The following ZNF85 variants were observed in gnomAD, a reference collection of about 807,000 sequenced individuals.
ZNF85 encodes zinc finger protein 85, also known as zinc finger protein 85 (HPF4, HTF1).
ZNF85 carries 50 observed loss-of-function variants against 53.9 expected under a neutral mutation model. The ratio of observed to expected loss-of-function variants is 0.93; its 90% confidence interval spans 0.74 to 1.17. The LOEUF is 1.17. ZNF85 is among the 50% of genes most tolerant of loss of function. The probability of loss-of-function intolerance (pLI) is 0.00; values close to 1 mark genes in which losing one functional copy is unlikely to be tolerated. For synonymous variants in ZNF85, 225 were observed against 226.1 expected (o/e 1.00, Z 0.04); for missense variants, 747 against 688.5 (o/e 1.08, Z -0.95).
At chr19:20,944,236 T>C (rs1156824095) in intron 3 of ZNF85, 1 of 151,390 alleles carries the variant, frequency 6.6e-6, no homozygotes, top group African/African-American at 2.4e-5. Context: ...GCCTTTCTTT[T>C]TTATTTTGTA....
At chr19:20,925,721 G>T (rs531270574) in intron 1 of ZNF85, among the ~76,000 whole-genome samples, 1 of 152,102 alleles carries the variant, frequency 6.6e-6, no homozygotes, top group Non-Finnish European at 1.5e-5. Context: ...GAGCAGGAGC[G>T]GGTGGGAGAA....
Position 20,949,078 on chromosome 19 carries a change from C to T in ZNF85, c.564C>T (p.Cys188=), listed in dbSNP as rs1422670841. The T allele has an allele frequency of 6.2e-7, 1 of 1,613,620 alleles. No homozygotes were observed. Among genetic ancestry groups the T allele is most frequent in the African/African-American group, 1.3e-5 (1 of 74,908 alleles). ...KCGKSFGMIS[C]LTEHSRIHTR... is the part of the protein sequence containing the mutation. ...GCAAATCATTTGGCATGATTTCATG[C>T]CTAACTGAACATAGCAGAATTCATA... Residue 188 remains cysteine (C), a synonymous_variant, in exon 4 of 4, where the codon TGC becomes TGT. Coordinates refer to ENST00000328178, the MANE Select transcript of ZNF85 (RefSeq NM_003429.5).
chr19:20,950,566 A>AAG lies in ZNF85; in HGVS notation c.*264_*265insAG. ...GTGGCAAAACTTAATTTATGCTCAC[A>AAG]CCTTACTGCACAGAAAAGAATTTTT... On this transcript the variant is annotated 3_prime_UTR_variant, in exon 4 of 4. Transcript: ENST00000328178. 3.1e-6 allele frequency: 1 copy of AAG among 318,658 alleles called. No homozygotes were observed. Among genetic ancestry groups the AAG allele is most frequent in the Non-Finnish European group, 5.7e-6 (1 of 176,554 alleles). The allele number at this position is 318,658 out of a possible 1,614,324, so 19.7% of individuals were successfully genotyped here. A position where few individuals can be genotyped will look rare whatever the true frequency, so the allele number is the denominator to read the frequency against.
At chr19:20,946,542 T>A (rs1887502714) in intron 3 of ZNF85, among the ~76,000 whole-genome samples, 1 of 151,624 alleles carries the variant, frequency 6.6e-6, no homozygotes, top group South Asian at 2.1e-4. Flanking sequence ...TTTTATATAT[T>A]TGGAACCTTA....
At position 20,923,282 on chromosome 19, in the gene ZNF85, G is replaced by C. The variant is rs1972797412; in HGVS notation, c.-119G>C. The C allele has an allele frequency of 1.3e-6, 2 of 1,516,742 alleles. No individual in the cohort carries two copies. Among genetic ancestry groups the C allele is most frequent in the Admixed American group, 1.7e-5 (1 of 58,256 alleles). 94.0% of individuals were successfully genotyped at this position (1,516,742 alleles called of 1,614,324 possible). A position where few individuals can be genotyped will look rare whatever the true frequency, so the allele number is the denominator to read the frequency against. On this transcript the variant is annotated 5_prime_UTR_variant, in exon 1 of 4. Transcript: ENST00000328178. ...GTCTCTCGCTGCAGCCTGAGCTCTA[G>C]GTCTTGTTTTCCCTGCTTTGTGTTT... is the stretch of plus-strand genomic sequence containing the variant.
intron 3 of ZNF85, among the ~76,000 whole-genome samples, chr19:20,944,539 A>T (rs1471401441): frequency 1.3e-5 from 2 of 148,840 alleles, no homozygotes; most frequent in Non-Finnish European, 3.0e-5. Flanking sequence ...ACATATTTTC[A>T]AGTAGTATTG....
chr19:20,930,755 C>G (rs1485752561), intron 1 of ZNF85, among the ~76,000 whole-genome samples: 2 of 152,094 alleles, frequency 1.3e-5, no homozygotes, highest in East Asian at 3.9e-4. Context: ...GAATATGATA[C>G]TTAAGGATGG....
chr19:20,943,012 A>G (rs1973335080), intron 3 of ZNF85: 2 of 504,906 alleles, frequency 4.0e-6, no homozygotes, highest in Admixed American at 7.8e-5. Context: ...CTGGCTCCAA[A>G]TGATCCTCCT....
intron 3 of ZNF85, chr19:20,937,192 T>C (rs963011106): frequency 1.1e-5 from 4 of 378,080 alleles, no homozygotes; most frequent in African/African-American, 6.3e-5. Flanking sequence ...CCACAACGTC[T>C]GGCCAATTTT....
intron 3 of ZNF85, chr19:20,945,434 C>G (rs1287727428): frequency 5.3e-5 from 8 of 152,210 alleles, no homozygotes; most frequent in Admixed American, 2.0e-4. Context: ...TTACAGTTGT[C>G]AGAATATTTC....
chr19:20,928,094 A>G (rs564905895), intron 1 of ZNF85: 1 of 152,204 alleles, frequency 6.6e-6, no homozygotes, highest in East Asian at 1.9e-4. Flanking sequence ...AGCTCTATCA[A>G]ATTATTGAAC....
At chr19:20,924,680 A>G (rs1433341801) in intron 1 of ZNF85, among the ~76,000 whole-genome samples, 1 of 152,180 alleles carries the variant, frequency 6.6e-6, no homozygotes, top group African/African-American at 2.4e-5. Context: ...CCTTTATTGT[A>G]CATTTTATAT....
intron 1 of ZNF85, among the ~76,000 whole-genome samples, chr19:20,923,670 T>G (rs1972812534): frequency 6.6e-6 from 1 of 151,926 alleles, no homozygotes; most frequent in East Asian, 1.9e-4. Flanking sequence ...GCACCGCGTC[T>G]CTCCCAGATT....
intron 1 of ZNF85, among the ~76,000 whole-genome samples, chr19:20,924,535 A>G (rs1972835800): frequency 6.6e-6 from 1 of 152,190 alleles, no homozygotes; most frequent in Admixed American, 6.5e-5. Context: ...TGTCTCAAGC[A>G]GGGTCTCAAG....
chr19:20,934,091 C>T lies in ZNF85; in HGVS notation c.71C>T (p.Ala24Val). Residue 24 changes from alanine to valine, a missense_variant, in exon 2 of 4, where the codon GCA becomes GTA. By Grantham distance (64) the Ala-to-Val change is moderately conservative. Transcript: ENST00000328178. ...AAGGAGTGGCAATGCCTGGACACTG[C>T]ACAGCGGAATTTATATAGAAATGTG... ...SLKEWQCLDT[A>V]QRNLYRNVML... is the part of the protein sequence containing the mutation. 1 of 1,612,324 alleles carries T rather than the reference C, an allele frequency of 6.2e-7. No individual in the cohort carries two copies. The highest frequency in any genetic ancestry group is 8.5e-7 in the Non-Finnish European group (1 of 1,179,098).
At chr19:20,930,121 A>AAC (rs1972976687) in intron 1 of ZNF85, among the ~76,000 whole-genome samples, 1 of 23,510 alleles carries the variant, frequency 4.3e-5, no homozygotes, top group Non-Finnish European at 1.1e-4. Context: ...ACTCCGTCCC[A>AAC]AAAAAAAAAA....
intron 3 of ZNF85, among the ~76,000 whole-genome samples, chr19:20,939,829 C>A (rs1248207770): frequency 2.0e-5 from 3 of 152,140 alleles, no homozygotes; most frequent in Non-Finnish European, 4.4e-5. Flanking sequence ...TCCCAAGTTG[C>A]TGGGATTACA....
chr19:20,937,032 G>A (rs1973174412), intron 3 of ZNF85: 1 of 188,436 alleles, frequency 5.3e-6, no homozygotes, highest in South Asian at 9.2e-5. Context: ...TTGTTTTTTG[G>A]GTTTTTGTTT....
intron 1 of ZNF85, chr19:20,927,500 AT>A (rs34071413): frequency 0.2 from 29,797 of 151,896 alleles, 3,370 homozygotes; most frequent in Non-Finnish European, 0.25. Flanking sequence ...AATTCAGCTC[AT>A]TTTTTTAATG....
Sources: gnomAD v4.1 joint callset for allele counts (sites outside exome capture counted in the v4.1 genomes callset) on GRCh38, gnomAD v4.1.1 for gene constraint, MANE v1.5 for transcripts, NCBI Gene and HGNC (gene_info 2026-07-23, HGNC 2026-07-21) for gene names.